PROM2: variants seen among roughly 807,000 people sequenced by gnomAD.
PROM2 encodes prominin 2, also known as prominin-2.
A neutral mutation model predicts 110.2 loss-of-function variants in PROM2; 90 were observed. The ratio of observed to expected loss-of-function variants is 0.82; its 90% CI spans 0.69 to 0.97. The LOEUF is 0.97. PROM2 is among the 50% of genes least tolerant of loss of function. The pLI, the probability that PROM2 is intolerant of heterozygous loss-of-function variation, is 0.00. For synonymous variants in PROM2, 470 were observed against 467.8 expected (o/e 1.00, Z -0.06); for missense variants, 1,009 against 1,074.8 (o/e 0.94, Z 0.86).
At chr2:95,288,349 C>A (rs760582269) in intron 21 of PROM2, 49 bp downstream of exon 21, 1 of 1,607,360 alleles carries the variant, frequency 6.2e-7, no homozygotes, top group South Asian at 1.1e-5. Context: ...CCGGAGCCTT[C>A]CTGCTCTCCA....
rs538946414 is a variant in PROM2, at chr2:95,274,895, A to T, written c.244+66A>T. ...TCCCCAGCCCGGCTTCCTCTGTCCC[A>T]CTCTACCATGGGATGTGCCCAACCT... On this transcript the variant is annotated intron_variant, in intron 1 of 23. Transcript: ENST00000317620. 17 of 1,431,250 alleles carry T rather than the reference A, an allele frequency of 1.2e-5. No individual in the cohort carries two copies. The East Asian group carries it at 3.5e-4, about 30-fold the overall frequency. 88.7% of individuals were successfully genotyped at this position (1,431,250 alleles called of 1,614,324 possible).
Position 95,279,866 on chromosome 2 carries a change from G to T in PROM2, c.1296G>T (p.Leu432=). Residue 432 remains leucine, a synonymous_variant, in exon 11 of 24, where the codon CTG becomes CTT. Transcript: ENST00000317620. ...GCAGGTGGATCGTGGGCTGCGTGCT[G>T]TGCTCCGTGGTCCTATTCGTGGTGC... ...ETYRWIVGCV[L]CSVVLFVVLC... The T allele has an allele frequency of 6.6e-7, 1 of 1,511,324 alleles. No homozygotes were observed. Among genetic ancestry groups the T allele is most frequent in the Non-Finnish European group, 8.9e-7 (1 of 1,125,930 alleles). 93.6% of individuals were successfully genotyped at this position (1,511,324 alleles called of 1,614,324 possible). A position where few individuals can be genotyped will look rare whatever the true frequency, so the allele number is the denominator to read the frequency against.
rs552311950 is a variant in PROM2, at chr2:95,276,397, C to G, written c.618+50C>G. 3 of 1,604,566 alleles carry G rather than the reference C, an allele frequency of 1.9e-6. No homozygotes were observed. Among genetic ancestry groups the G allele is most frequent in the South Asian group, 1.1e-5 (1 of 89,778 alleles). Reference sequence around the variant, plus strand: ...CATGTGCCCCTGTGAGCACTGGGCCCGGGCAGGACAGAGCCGAGTGGGCCC... The same window carrying G: ...CATGTGCCCCTGTGAGCACTGGGCCGGGGCAGGACAGAGCCGAGTGGGCCC... On this transcript the variant is annotated intron_variant, in intron 4 of 23. Coordinates refer to ENST00000317620, the MANE Select transcript of PROM2 (RefSeq NM_001165978.3). The surrounding 1 kb of genome is among the most constrained non-coding windows in gnomAD (Gnocchi z 4.6).
chr2:95,286,674 C>T, intron 17 of PROM2, 103 bp downstream of exon 17: 1 of 584,354 alleles, frequency 1.7e-6, no homozygotes. Flanking sequence ...CCCTCCCCTC[C>T]TCTCCCCTCC....
chr2:95,278,870 G>T, intron 9 of PROM2, 86 bp downstream of exon 9: 3 of 1,606,616 alleles, frequency 1.9e-6, no homozygotes, highest in East Asian at 2.2e-5. Flanking sequence ...GAGGACTGGG[G>T]TGGCGGGGGA....
chr2:95,288,659 C>A, intron 22 of PROM2, 70 bp downstream of exon 22: 1 of 1,339,320 alleles, frequency 7.5e-7, no homozygotes, highest in Non-Finnish European at 1.1e-6. Context: ...CCAGGGTCCC[C>A]TGTCACAGCC....
chr2:95,288,174 G>T (rs535948663), intron 20 of PROM2, 37 bp from the exon 21 acceptor site: 10 of 1,604,334 alleles, frequency 6.2e-6, no homozygotes, highest in Non-Finnish European at 8.5e-6. Context: ...GTGGGTCCAG[G>T]TGTCTCTGCA....
rs1250449262 is a variant in PROM2 at position 95,274,795 on chromosome 2, C to T, written c.210C>T (p.Phe70=). 1 of 1,604,174 alleles carries T rather than the reference C, an allele frequency of 6.2e-7. No individual in the cohort carries two copies. The highest frequency in any genetic ancestry group is 8.5e-7 in the Non-Finnish European group (1 of 1,176,292). The change falls in exon 1 of 24, where the codon TTC becomes TTT. Residue 70 remains phenylalanine, a synonymous_variant. Transcript: ENST00000317620. ...LDSLYGTVRR[F]LSVVQLNPFP... is the part of the protein sequence containing the mutation. ...CCCTCTATGGCACCGTGCGCCGCTTCCTCTCGGTGGTGCAGCTCAATCCTT... is the reference window on the plus strand; with the variant it reads ...CCCTCTATGGCACCGTGCGCCGCTTTCTCTCGGTGGTGCAGCTCAATCCTT...
intron 13 of PROM2, 44 bp from the exon 14 acceptor site, chr2:95,282,097 CG>C: frequency 6.2e-7 from 1 of 1,607,286 alleles, no homozygotes; most frequent in Non-Finnish European, 8.5e-7. Context: ...TCAGCCCCCC[CG>C]CCACCCCCAA....
chr2:95,285,655 T>G lies in PROM2; in HGVS notation c.1892T>G (p.Val631Gly). The part of the protein sequence containing the change: ...DFLVQIQRPV[V>G]KTSMEQLAQE... The stretch of plus-strand genomic sequence containing the variant: ...CACCTGCAGATCCAGAGGCCCGTGG[T>G]GAAGACCAGCATGGAGCAGCTGGCC... Residue 631 changes from valine to glycine, a missense_variant, in exon 16 of 24, where the codon GTG (valine) becomes GGG (glycine). Val to Gly is a moderately radical substitution (Grantham distance 109). Coordinates refer to ENST00000317620, the MANE Select transcript of PROM2 (RefSeq NM_001165978.3). 6.2e-7 allele frequency: 1 copy of G among 1,602,404 alleles called. No homozygotes were observed. Among genetic ancestry groups the G allele is most frequent in the Non-Finnish European group, 8.5e-7 (1 of 1,174,168 alleles).
chr2:95,287,428 C>T lies in PROM2; in HGVS notation c.2208C>T (p.Gly736=). 6.2e-7 allele frequency: 1 copy of T among 1,614,092 alleles called. No homozygotes were observed. Among genetic ancestry groups the T allele is most frequent in the Non-Finnish European group, 8.5e-7 (1 of 1,180,018 alleles). ...AGTGTTTCCTGGCCCGGGAGATGGG[C>T]TACTTCTCCCAGTACGTGGCCTGGG... ...VSECFLAREM[G]YFSQYVAWVR... The change falls in exon 20 of 24, where the codon GGC becomes GGT. Residue 736 remains glycine (G), a synonymous_variant. Transcript: ENST00000317620.
chr2:95,285,751 C>T lies in PROM2; in HGVS notation c.1947+41C>T, dbSNP rs745968944. On this transcript the variant is annotated intron_variant, in intron 16 of 23. Coordinates refer to ENST00000317620, the MANE Select transcript of PROM2 (RefSeq NM_001165978.3). ...GGCCCCGACTGGGCAGCAGGAGCCA[C>T]AGGGGGCTTGGGAGGCGGGAAAGGG... 2.6e-6 allele frequency: 4 copies of T among 1,556,636 alleles called. No individual in the cohort carries two copies. In the Admixed American group the frequency reaches 7.5e-5, roughly 29 times the overall value.
rs7596490 is a variant in PROM2 at position 95,288,320 on chromosome 2, G to A, written c.2334+20G>A. On this transcript the variant is annotated intron_variant, in intron 21 of 23. Coordinates refer to ENST00000317620, the MANE Select transcript of PROM2 (RefSeq NM_001165978.3). ...CCCTGGGTGAGTGCCCCAGCTCATC[G>A]GGGCTTGTTCACCAAGTCCCGGAGC... 8.8e-4 allele frequency: 1,421 copies of A among 1,613,390 alleles called. 14 individuals are homozygous for A. In the African/African-American group the frequency reaches 0.017, roughly 19 times the overall value.
intron 14 of PROM2, among the ~76,000 whole-genome samples, chr2:95,282,475 TG>T (rs934136355): frequency 2.0e-5 from 3 of 152,068 alleles, no homozygotes; most frequent in African/African-American, 7.2e-5. Flanking sequence ...CAGGAAAGGC[TG>T]GTGACAGTGA....
intron 16 of PROM2, among the ~76,000 whole-genome samples, 166 bp from the exon 17 acceptor site, chr2:95,286,313 G>T (rs1677351942): frequency 6.6e-6 from 1 of 152,114 alleles, no homozygotes; most frequent in Admixed American, 6.5e-5. Flanking sequence ...CTAGAATTTG[G>T]ATCTAGGCCC....
chr2:95,279,536 C>A (rs1190998391), intron 10 of PROM2, among the ~76,000 whole-genome samples: 1 of 152,102 alleles, frequency 6.6e-6, no homozygotes, highest in African/African-American at 2.4e-5. Context: ...ACCTTGTGAT[C>A]CACCAGCCTT....
At chr2:95,279,301 A>AT (rs1171088514) in intron 10 of PROM2, among the ~76,000 whole-genome samples, 157 bp downstream of exon 10, 515 of 135,760 alleles carry the variant, frequency 3.8e-3, no homozygotes, top group Middle Eastern at 0.011. Context: ...TGTTTTTTTC[A>AT]TTTTTTTTTT....
intron 11 of PROM2, 38 bp from the exon 12 acceptor site, chr2:95,281,204 C>A: frequency 1.2e-6 from 2 of 1,604,316 alleles, no homozygotes; most frequent in South Asian, 1.1e-5. Flanking sequence ...GGCAGCCAGT[C>A]CCTGCTGTCC....
At chr2:95,284,080 G>A (rs1480315964) in intron 14 of PROM2, among the ~76,000 whole-genome samples, 2 of 152,246 alleles carry the variant, frequency 1.3e-5, no homozygotes, top group Admixed American at 6.5e-5. Context: ...GGGCACTGGA[G>A]GAAGGCCAGG....
Sources: gnomAD v4.1 joint callset for allele counts (sites outside exome capture counted in the v4.1 genomes callset) on GRCh38, gnomAD v4.1.1 for gene constraint, Gnocchi (gnomAD v3.1) non-coding constraint, MANE v1.5 for transcripts, NCBI Gene and HGNC (gene_info 2026-07-23, HGNC 2026-07-21) for gene names.